Variants in PIWIL1 observed in about 807,000 individuals in gnomAD.
PIWIL1 encodes piwi like RNA-mediated gene silencing 1.
In PIWIL1, 73 loss-of-function variants were observed where a neutral mutation model predicts 114.4. The ratio of observed to expected loss-of-function variants is 0.64; its 90% CI spans 0.53 to 0.78. The LOEUF (loss-of-function observed/expected upper bound fraction) is 0.78, where lower values mean the gene tolerates loss of function less well. PIWIL1 is among the 30% of genes least tolerant of loss of function. The pLI is 0.00. For missense variants in PIWIL1, 723 were observed against 1,063.1 expected (o/e 0.68, Z 4.45); for synonymous variants, 375 against 369.0 (o/e 1.02, Z -0.19).
chr12:130,409,102 T>C, the PIWIL1 span, among the ~76,000 whole-genome samples: 1 of 152,166 alleles, frequency 6.6e-6, no homozygotes, highest in Non-Finnish European at 1.5e-5. Flanking sequence ...ACAACATACA[T>C]GTACTTCTCA....
intron 9 of PIWIL1, chr12:130,351,603 T>A (rs1400629281): frequency 6.6e-6 from 1 of 152,172 alleles, no homozygotes; most frequent in African/African-American, 2.4e-5. Context: ...GGCAAGAGAT[T>A]TTATGGTTTA....
the PIWIL1 span, among the ~76,000 whole-genome samples, chr12:130,389,980 T>C: frequency 6.6e-6 from 1 of 152,198 alleles, no homozygotes; most frequent in Non-Finnish European, 1.5e-5. Context: ...CATTTGATAA[T>C]TTAACTTCCA....
At chr12:130,402,207 A>T in the PIWIL1 span, among the ~76,000 whole-genome samples, 1 of 152,132 alleles carries the variant, frequency 6.6e-6, no homozygotes, top group African/African-American at 2.4e-5. Context: ...CTTTGGCCTA[A>T]GTTCCGTTCT....
intron 9 of PIWIL1, among the ~76,000 whole-genome samples, chr12:130,353,318 G>GT (rs1555228020): frequency 1.3e-5 from 1 of 76,880 alleles, no homozygotes; most frequent in African/African-American, 4.3e-5. Context: ...GAGGTGTGTG[G>GT]TTTTTTCTTC....
downstream of PIWIL1, among the ~76,000 whole-genome samples, chr12:130,373,206 C>T (rs2073841540): frequency 6.6e-6 from 1 of 152,180 alleles, no homozygotes; most frequent in African/African-American, 2.4e-5. Flanking sequence ...CAGAGACAAA[C>T]ATTTCAATGG....
chr12:130,373,833 G>A (rs79057764), downstream of PIWIL1, among the ~76,000 whole-genome samples: 1,453 of 152,302 alleles, frequency 9.5e-3, 21 homozygotes, highest in African/African-American at 0.033. Context: ...GAGCCACACC[G>A]AGTACACGGA....
chr12:130,373,200 GA>G (rs1194551583), downstream of PIWIL1, among the ~76,000 whole-genome samples: 1 of 152,196 alleles, frequency 6.6e-6, no homozygotes. Context: ...GGAGGCCAGA[GA>G]CAAACATTTC....
chr12:130,364,905 G>A (rs916540211), intron 18 of PIWIL1, among the ~76,000 whole-genome samples: 1 of 152,218 alleles, frequency 6.6e-6, no homozygotes, highest in Non-Finnish European at 1.5e-5. Context: ...CATAGTGCAA[G>A]TTCGTCACAT....
chr12:130,355,688 T>C (rs2073344558), intron 12 of PIWIL1, 21 bp downstream of exon 12: 4 of 1,513,688 alleles, frequency 2.6e-6, no homozygotes, highest in Non-Finnish European at 1.8e-6. Flanking sequence ...TTTTCGTTGG[T>C]GTTGTTGTTG....
chr12:130,349,463 T>G, intron 8 of PIWIL1, 27 bp downstream of exon 8: 2 of 1,468,464 alleles, frequency 1.4e-6, no homozygotes, highest in Non-Finnish European at 1.9e-6. Context: ...AAGTGCACAA[T>G]AATTTTTTGT....
At chr12:130,353,247 TCTC>T (rs1012835296) in intron 9 of PIWIL1, among the ~76,000 whole-genome samples, 6 of 144,528 alleles carry the variant, frequency 4.2e-5, no homozygotes, top group Non-Finnish European at 7.9e-5. Context: ...GGTTTTTTGT[TCTC>T]CTGGTATGCT....
At chr12:130,340,413 C>A in intron 1 of PIWIL1, among the ~76,000 whole-genome samples, 1 of 151,884 alleles carries the variant, frequency 6.6e-6, no homozygotes, top group African/African-American at 2.4e-5. Context: ...GGTTCCACCT[C>A]GGATTATCAG....
At chr12:130,409,519 A>AT in the PIWIL1 span, among the ~76,000 whole-genome samples, 1 of 150,900 alleles carries the variant, frequency 6.6e-6, no homozygotes, top group African/African-American at 2.4e-5. Flanking sequence ...ATTTTTTTGT[A>AT]TTTTTTTGTA....
At chr12:130,390,859 C>G in the PIWIL1 span, among the ~76,000 whole-genome samples, 2 of 152,160 alleles carry the variant, frequency 1.3e-5, no homozygotes, top group Non-Finnish European at 2.9e-5. Context: ...CTGGCTTGGC[C>G]TGGTCGTTGT....
chr12:130,388,956 A>T, the PIWIL1 span, among the ~76,000 whole-genome samples: 1 of 152,122 alleles, frequency 6.6e-6, no homozygotes. Context: ...CCATTATAGG[A>T]TTTTTATAAA....
chr12:130,392,931 C>T, the PIWIL1 span, among the ~76,000 whole-genome samples: 1 of 105,986 alleles, frequency 9.4e-6, no homozygotes, highest in African/African-American at 3.3e-5. Context: ...CTGTCAGTTA[C>T]CTGGTGAGTA....
the PIWIL1 span, among the ~76,000 whole-genome samples, chr12:130,413,219 A>G: frequency 2.6e-5 from 4 of 152,270 alleles, no homozygotes; most frequent in East Asian, 7.7e-4. Context: ...ACCGTTCTCA[A>G]ATGCCAACTG....
chr12:130,338,934 CG>C (rs1310008709), intron 1 of PIWIL1, among the ~76,000 whole-genome samples: 1 of 109,734 alleles, frequency 9.1e-6, no homozygotes, highest in Non-Finnish European at 1.9e-5. Context: ...CCTGAGTTGC[CG>C]GGGGTGCGGG....
the PIWIL1 span, among the ~76,000 whole-genome samples, chr12:130,410,196 G>T: frequency 6.6e-6 from 1 of 152,204 alleles, no homozygotes; most frequent in African/African-American, 2.4e-5. Context: ...TTGGCGAAAG[G>T]TCACTTAAAT....
Sources: allele counts gnomAD v4.1 joint callset (sites outside exome capture counted in the v4.1 genomes callset), GRCh38; gene constraint gnomAD v4.1.1; transcripts MANE v1.5; gene names NCBI Gene and HGNC (gene_info 2026-07-23, HGNC 2026-07-21).